ELMO1: variants seen among roughly 807,000 people sequenced by gnomAD.
ELMO1 encodes engulfment and cell motility protein 1.
Under a neutral mutation model 98.9 loss-of-function variants are expected in ELMO1, and 26 were observed. That is an observed-to-expected ratio of 0.26 (90% confidence interval 0.19 to 0.36). ELMO1 has a LOEUF of 0.36. Among genes scored for constraint, ELMO1 ranks in the 10% least tolerant of loss-of-function variants. The pLI is 1.00. For synonymous variants in ELMO1, 346 were observed against 346.0 expected (o/e 1.00, Z 0.00); for missense variants, 627 against 935.2 (o/e 0.67, Z 4.30).
rs1343293493 is a variant in ELMO1, at chr7:37,297,609, G to GA, written c.192+17240dup. Among the ~76,000 whole-genome samples, 425 of 136,764 alleles carry GA rather than the reference G, an allele frequency of 3.1e-3. 2 individuals are homozygous for GA. Among genetic ancestry groups the GA allele is most frequent in the Middle Eastern group, 0.014 (4 of 284 alleles). 89.7% of individuals were successfully genotyped at this position (136,764 alleles called of 152,430 possible). A position where few individuals can be genotyped will look rare whatever the true frequency, so the allele number is the denominator to read the frequency against. On this transcript the variant is annotated intron_variant, in intron 4 of 21. Transcript: ENST00000310758. ...AAGAATGGCCCCTTTAGCACTGCTT[G>GA]AAAAAAAAAAAAGACAGAGAGAGGA...
intron 13 of ELMO1, among the ~76,000 whole-genome samples, chr7:37,146,823 A>G (rs546338255): frequency 6.6e-6 from 1 of 152,344 alleles, no homozygotes; most frequent in African/African-American, 2.4e-5. Context: ...TGGCACTGAT[A>G]CTGATGGGCT....
intron 1 of ELMO1, among the ~76,000 whole-genome samples, chr7:37,378,505 A>G (rs185802737): frequency 1.9e-3 from 294 of 152,312 alleles, no homozygotes; most frequent in South Asian, 3.5e-3. Flanking sequence ...GGACTCTGAT[A>G]AACACGAATC....
intron 16 of ELMO1, among the ~76,000 whole-genome samples, chr7:36,915,933 TGTG>T (rs1157907215): frequency 6.6e-6 from 1 of 152,148 alleles, no homozygotes; most frequent in Non-Finnish European, 1.5e-5. Flanking sequence ...GGCTAACTGA[TGTG>T]GTGTTTATTT....
At chr7:37,275,713 C>T (rs1796795631) in intron 4 of ELMO1, among the ~76,000 whole-genome samples, 1 of 152,212 alleles carries the variant, frequency 6.6e-6, no homozygotes. Flanking sequence ...TCTCTCCCTT[C>T]CTTCCCCCAT....
At chr7:37,092,540 G>C (rs558406961) in intron 15 of ELMO1, among the ~76,000 whole-genome samples, 2 of 151,602 alleles carry the variant, frequency 1.3e-5, no homozygotes, top group Non-Finnish European at 2.9e-5. Flanking sequence ...CACCATGCCC[G>C]GCTAATTTTG....
chr7:37,268,265 G>A (rs900508827), intron 5 of ELMO1, among the ~76,000 whole-genome samples: 1 of 152,108 alleles, frequency 6.6e-6, no homozygotes, highest in South Asian at 2.1e-4. Context: ...CTGCTCCAAA[G>A]GTCACACACA....
intron 20 of ELMO1, among the ~76,000 whole-genome samples, chr7:36,862,675 T>C (rs973285611): frequency 6.6e-6 from 1 of 151,232 alleles, no homozygotes; most frequent in African/African-American, 2.4e-5. Context: ...GCCAAGTGTA[T>C]CCAAACCAAC....
intron 13 of ELMO1, among the ~76,000 whole-genome samples, chr7:37,179,814 C>T (rs1010296790): frequency 3.3e-5 from 5 of 152,102 alleles, no homozygotes; most frequent in South Asian, 2.1e-4. Context: ...TCAATTTATT[C>T]TCAAGGTAGC....
chr7:36,965,134 GCCTTAC>G (rs1028104751), intron 16 of ELMO1, among the ~76,000 whole-genome samples: 3 of 151,976 alleles, frequency 2.0e-5, no homozygotes, highest in African/African-American at 7.3e-5. Context: ...TCTTCCACAG[GCCTTAC>G]CCAACCATCC....
chr7:37,388,087 C>T (rs1015953655), intron 1 of ELMO1, among the ~76,000 whole-genome samples: 2 of 152,204 alleles, frequency 1.3e-5, no homozygotes, highest in Non-Finnish European at 2.9e-5. Flanking sequence ...ATCCTCCAGC[C>T]TCAGCCTCCC....
intron 4 of ELMO1, among the ~76,000 whole-genome samples, chr7:37,310,208 T>G (rs574153982): frequency 7.2e-5 from 11 of 152,338 alleles, no homozygotes; most frequent in African/African-American, 2.4e-4. Flanking sequence ...TTTATCTAAA[T>G]AAGACATTAG....
At chr7:37,174,563 T>C (rs1161242244) in intron 13 of ELMO1, among the ~76,000 whole-genome samples, 1 of 152,156 alleles carries the variant, frequency 6.6e-6, no homozygotes, top group East Asian at 1.9e-4. Flanking sequence ...TGAGGATGCA[T>C]GTCAGAGCTC....
chr7:37,422,425 T>C (rs1804511919), intron 1 of ELMO1, among the ~76,000 whole-genome samples: 1 of 152,244 alleles, frequency 6.6e-6, no homozygotes, highest in East Asian at 1.9e-4. Flanking sequence ...GTGCTTCGCT[T>C]TGGCCTAAGG....
At chr7:36,900,926 G>A (rs979607177) in intron 16 of ELMO1, among the ~76,000 whole-genome samples, 11 of 152,230 alleles carry the variant, frequency 7.2e-5, no homozygotes, top group African/African-American at 2.7e-4. Context: ...GATTCTGCCT[G>A]CAGAGGGGTC....
chr7:37,352,062 A>C (rs2131299736), intron 1 of ELMO1, among the ~76,000 whole-genome samples: 1 of 152,380 alleles, frequency 6.6e-6, no homozygotes, highest in East Asian at 1.9e-4. Context: ...GAATAGAATA[A>C]TATCCACTAA....
chr7:37,200,706 C>T (rs1792239878), intron 13 of ELMO1, among the ~76,000 whole-genome samples: 1 of 152,132 alleles, frequency 6.6e-6, no homozygotes, highest in African/African-American at 2.4e-5. Flanking sequence ...TGGCTCACAC[C>T]TGTAATCCAA....
chr7:36,970,436 G>A (rs549598639), intron 16 of ELMO1, among the ~76,000 whole-genome samples: 5 of 152,310 alleles, frequency 3.3e-5, no homozygotes, highest in Admixed American at 3.3e-4. Flanking sequence ...TCTAAATGTG[G>A]TAGCCACAAA....
At chr7:37,138,566 T>C (rs886747780) in intron 13 of ELMO1, among the ~76,000 whole-genome samples, 13 of 152,142 alleles carry the variant, frequency 8.5e-5, no homozygotes, top group African/African-American at 1.4e-4. Flanking sequence ...GGCAGTGAGA[T>C]TGAAATGGTA....
intron 13 of ELMO1, among the ~76,000 whole-genome samples, chr7:37,158,916 A>G (rs1788992421): frequency 6.6e-6 from 1 of 152,252 alleles, no homozygotes; most frequent in Non-Finnish European, 1.5e-5. Flanking sequence ...ATATCCATCA[A>G]TAATAGACTG....
Sources: gnomAD v4.1 joint callset for allele counts (sites outside exome capture counted in the v4.1 genomes callset) on GRCh38, gnomAD v4.1.1 for gene constraint, MANE v1.5 for transcripts, NCBI Gene and HGNC (gene_info 2026-07-23, HGNC 2026-07-21) for gene names.